MICOS10: variants seen among roughly 807,000 people sequenced by gnomAD.
MICOS10 encodes mitochondrial contact site and cristae organizing system subunit 10.
MICOS10 carries 5 observed loss-of-function variants against 13.4 expected under a neutral mutation model. That is an observed-to-expected ratio of 0.37 (90% CI 0.20 to 0.78). The LOEUF is 0.78. MICOS10 is among the 30% of genes least tolerant of loss of function. MICOS10 has a pLI of 0.47. For synonymous variants in MICOS10, 35 were observed against 33.6 expected (o/e 1.04, Z -0.15); for missense variants, 101 against 94.6 (o/e 1.07, Z -0.28).
rs900273742 is a variant in MICOS10, at chr1:19,627,380, C to T, written c.*979C>T. 2 of 152,226 alleles carry T rather than the reference C, an allele frequency of 1.3e-5. No individual in the cohort carries two copies. Among genetic ancestry groups the T allele is most frequent in the Non-Finnish European group, 1.5e-5 (1 of 68,050 alleles). 9.4% of individuals were successfully genotyped at this position (152,226 alleles called of 1,614,324 possible). On this transcript the variant is annotated 3_prime_UTR_variant, in exon 4 of 4. Coordinates refer to ENST00000322753, the MANE Select transcript of MICOS10 (RefSeq NM_001032363.4). ...CCTGTAAATGTTGATTTATCATCTA[C>T]TGTAAGCGAGGCACTGTTGTAAGCA...
intron 1 of MICOS10, among the ~76,000 whole-genome samples, chr1:19,617,969 A>G (rs2094890435): frequency 6.6e-6 from 1 of 152,042 alleles, no homozygotes. Context: ...TCATATAAAC[A>G]ATTACTGATG....
intron 2 of MICOS10, 61 bp from the exon 3 acceptor site, chr1:19,623,409 AGGAT>A: frequency 2.2e-6 from 2 of 927,524 alleles, no homozygotes; most frequent in South Asian, 2.8e-5. Flanking sequence ...TGTATTTAAG[AGGAT>A]GGGGAGCTTT....
intron 1 of MICOS10, among the ~76,000 whole-genome samples, chr1:19,614,785 A>G (rs911623615): frequency 5.9e-5 from 9 of 152,192 alleles, no homozygotes; most frequent in African/African-American, 1.9e-4. Flanking sequence ...GACTGAGTGA[A>G]GTGCTGCAGA....
chr1:19,599,169 A>G (rs1213424844), intron 1 of MICOS10, among the ~76,000 whole-genome samples: 2 of 151,918 alleles, frequency 1.3e-5, no homozygotes, highest in East Asian at 1.9e-4. Flanking sequence ...TGATCCTCCC[A>G]CCTCAGCCTC....
At position 19,622,920 on chromosome 1, in the gene MICOS10, C is replaced by CCTTTTTTTTTT. The variant is rs1553310371; in HGVS notation, c.113-554_113-553insCTTTTTTTTTT. On this transcript the variant is annotated intron_variant, in intron 2 of 3. Transcript: ENST00000322753. ...TATCTAGTGTTTTCATATTTTACTA[C>CCTTTTTTTTTT]TTTTTTTTTTTTTTTTTTTTGAAAC... Among the ~76,000 whole-genome samples, 3 of 131,926 alleles carry CCTTTTTTTTTT rather than the reference C, an allele frequency of 2.3e-5. 1 individual carries two copies. The highest frequency in any genetic ancestry group is 8.6e-5 in the African/African-American group (3 of 34,928). 86.5% of individuals were successfully genotyped at this position (131,926 alleles called of 152,430 possible).
At chr1:19,622,174 T>G (rs1363864945) in intron 2 of MICOS10, 27 bp downstream of exon 2, 2 of 1,575,286 alleles carry the variant, frequency 1.3e-6, no homozygotes, top group East Asian at 4.5e-5. Flanking sequence ...CTTTTCAACA[T>G]AATGTCATAG....
At chr1:19,614,271 A>G (rs1044147865) in intron 1 of MICOS10, among the ~76,000 whole-genome samples, 1 of 151,602 alleles carries the variant, frequency 6.6e-6, no homozygotes, top group Non-Finnish European at 1.5e-5. Context: ...ATAATTATCC[A>G]GGTAGAAGTT....
intron 1 of MICOS10, among the ~76,000 whole-genome samples, chr1:19,613,646 C>T (rs1045253401): frequency 9.9e-5 from 15 of 152,184 alleles, no homozygotes; most frequent in African/African-American, 1.7e-4. Flanking sequence ...TTCCCCAGGG[C>T]GTGGCATAGT....
At chr1:19,600,566 A>G (rs534228532) in intron 1 of MICOS10, among the ~76,000 whole-genome samples, 1 of 152,314 alleles carries the variant, frequency 6.6e-6, no homozygotes, top group East Asian at 1.9e-4. Context: ...GAAAAGGCCA[A>G]TGCAGGCTTT....
At chr1:19,613,036 C>A (rs903655475) in intron 1 of MICOS10, among the ~76,000 whole-genome samples, 1 of 152,186 alleles carries the variant, frequency 6.6e-6, no homozygotes, top group Admixed American at 6.5e-5. Context: ...AAACCCTTGC[C>A]TTTGCCTGTA....
At chr1:19,624,513 C>T (rs1188062658) in intron 3 of MICOS10, among the ~76,000 whole-genome samples, 1 of 152,126 alleles carries the variant, frequency 6.6e-6, no homozygotes, top group East Asian at 1.9e-4. Flanking sequence ...GTCTTGAACT[C>T]CTGACCTCAG....
intron 1 of MICOS10, among the ~76,000 whole-genome samples, chr1:19,608,955 G>C (rs1569634): frequency 0.34 from 49,115 of 142,898 alleles, 11,013 homozygotes; most frequent in African/African-American, 0.66. Flanking sequence ...CCCAGTGTCC[G>C]AAAATTCTGC....
chr1:19,617,983 A>G (rs895755776), intron 1 of MICOS10, among the ~76,000 whole-genome samples: 10 of 152,088 alleles, frequency 6.6e-5, no homozygotes, highest in East Asian at 3.8e-4. Flanking sequence ...ACTGATGTCA[A>G]TGAAATACAG....
Position 19,623,532 on chromosome 1 carries a change from C to G in MICOS10, c.171C>G (p.Asn57Lys), listed in dbSNP as rs1216732816. The G allele has an allele frequency of 2.5e-6, 4 of 1,613,410 alleles. No homozygotes were observed. Among genetic ancestry groups the G allele is most frequent in the Non-Finnish European group, 3.4e-6 (4 of 1,179,762 alleles). The change falls in exon 3 of 4, where the codon AAC (asparagine) becomes AAG (lysine). Residue 57 changes from asparagine (N) to lysine (K), a missense_variant. Coordinates refer to ENST00000322753, the MANE Select transcript of MICOS10 (RefSeq NM_001032363.4). ...SGMGLGMAYSNCQHDFQAPYL... is the reference protein window; with the variant it reads ...SGMGLGMAYSKCQHDFQAPYL... ...TGGGATTAGGAATGGCTTATTCCAA[C>G]TGTCAGCATGATTTCCAGGCTCCAT... is the stretch of plus-strand genomic sequence containing the variant.
At chr1:19,604,435 G>C (rs1375547432) in intron 1 of MICOS10, among the ~76,000 whole-genome samples, 1 of 152,116 alleles carries the variant, frequency 6.6e-6, no homozygotes, top group African/African-American at 2.4e-5. Context: ...CTGGAACCCG[G>C]GAGTAGCAAG....
chr1:19,603,051 C>G (rs988759727), intron 1 of MICOS10, among the ~76,000 whole-genome samples: 1 of 152,076 alleles, frequency 6.6e-6, no homozygotes. Context: ...AGCACTAGGC[C>G]GGGCTCGCTG....
chr1:19,610,929 G>A (rs2094858071), intron 1 of MICOS10, among the ~76,000 whole-genome samples: 1 of 151,526 alleles, frequency 6.6e-6, no homozygotes, highest in African/African-American at 2.4e-5. Flanking sequence ...TTCATTTGCT[G>A]TAGGAATTTT....
In MICOS10 at chr1:19,624,064, C is replaced by T. The variant is rs933365686; in HGVS notation, c.222+481C>T. Among the ~76,000 whole-genome samples the T allele has an allele frequency of 4.6e-5, 7 of 152,250 alleles. No homozygotes were observed. The East Asian group carries it at 1.4e-3, about 29-fold the overall frequency. On this transcript the variant is annotated intron_variant, in intron 3 of 3. Coordinates refer to ENST00000322753, the MANE Select transcript of MICOS10 (RefSeq NM_001032363.4). ...GGAGTGCAGTGGTGCCATCTTGGCT[C>T]ACTGCAACCGGGTTCAAGTGATTCT... is the stretch of plus-strand genomic sequence containing the variant.
chr1:19,625,299 G>A (rs1359600156), intron 3 of MICOS10: 1 of 1,184,946 alleles, frequency 8.4e-7, no homozygotes, highest in African/African-American at 1.6e-5. Context: ...TGGTACAAAT[G>A]CATGTCCTAA....
Sources: allele counts gnomAD v4.1 joint callset (sites outside exome capture counted in the v4.1 genomes callset), GRCh38; gene constraint gnomAD v4.1.1; transcripts MANE v1.5; gene names NCBI Gene and HGNC (gene_info 2026-07-23, HGNC 2026-07-21).